PCNX2: variants seen among roughly 807,000 people sequenced by gnomAD.
PCNX2 encodes pecanex 2, also known as pecanex-like protein 2.
PCNX2 carries 168 observed loss-of-function variants against 223.8 expected under a neutral mutation model. The observed-to-expected ratio is 0.75, with a 90% CI of 0.66 to 0.85. The LOEUF is 0.85. PCNX2 is among the 40% of genes least tolerant of loss of function. The pLI is 0.00. For synonymous variants in PCNX2, 1,006 were observed against 1,052.6 expected (o/e 0.96, Z 0.86); for missense variants, 2,507 against 2,675.5 (o/e 0.94, Z 1.39).
In PCNX2 at chr1:233,202,925, T is replaced by A. The variant is rs1181910150; in HGVS notation, c.2864-2661A>T. On this transcript the variant is annotated intron_variant, in intron 13 of 33. Transcript: ENST00000258229. ...CTGAAGTTTTTCCATGCCAGAGAAC[T>A]CATTTCACTAAGCAACCTATTCTAC... Among the ~76,000 whole-genome samples, 6 of 152,280 alleles carry A rather than the reference T, an allele frequency of 3.9e-5. No individual in the cohort carries two copies. In the East Asian group the frequency reaches 9.7e-4, roughly 24 times the overall value.
chr1:233,217,353 G>T (rs762694782), intron 12 of PCNX2, among the ~76,000 whole-genome samples: 1 of 152,022 alleles, frequency 6.6e-6, no homozygotes, highest in African/African-American at 2.4e-5. Flanking sequence ...TTAAAAATAA[G>T]AATAATCATT....
intron 15 of PCNX2, among the ~76,000 whole-genome samples, chr1:233,185,168 G>C (rs1366272864): frequency 1.3e-5 from 2 of 150,420 alleles, no homozygotes; most frequent in Admixed American, 1.3e-4. Flanking sequence ...AAGGAAACAA[G>C]GACAAGAGAG....
intron 12 of PCNX2, chr1:233,211,809 A>G (rs1375309973): frequency 1.0e-6 from 1 of 985,380 alleles, no homozygotes; most frequent in Non-Finnish European, 1.2e-6. Flanking sequence ...GAATGTGAAC[A>G]TTACTCATGT....
chr1:233,231,764 T>C, intron 9 of PCNX2: 1 of 679,792 alleles, frequency 1.5e-6, no homozygotes, highest in Non-Finnish European at 1.8e-6. Flanking sequence ...GACTCTGGTG[T>C]TAGAAATAGA....
At chr1:233,175,589 G>A (rs945958536) in intron 17 of PCNX2, among the ~76,000 whole-genome samples, 6 of 152,014 alleles carry the variant, frequency 3.9e-5, no homozygotes, top group South Asian at 2.1e-4. Flanking sequence ...GCCACCCTAC[G>A]GCTTTTACAG....
chr1:233,094,561 T>C (rs1674051456), intron 22 of PCNX2, among the ~76,000 whole-genome samples: 1 of 152,016 alleles, frequency 6.6e-6, no homozygotes, highest in Non-Finnish European at 1.5e-5. Flanking sequence ...ATGCTTAACA[T>C]TTTTTTTAAA....
chr1:233,200,626 T>C (rs1479000947), intron 13 of PCNX2, among the ~76,000 whole-genome samples: 1 of 151,512 alleles, frequency 6.6e-6, no homozygotes, highest in Non-Finnish European at 1.5e-5. Context: ...TCAGGGGTGG[T>C]GAGTCAGAGT....
At chr1:233,118,374 C>T (rs1419845046) in intron 21 of PCNX2, among the ~76,000 whole-genome samples, 1 of 151,094 alleles carries the variant, frequency 6.6e-6, no homozygotes, top group Non-Finnish European at 1.5e-5. Context: ...GAGGTGTTAG[C>T]TAGTGCAATA....
In PCNX2 at chr1:233,057,826, C is replaced by T. The variant is rs374072476; in HGVS notation, c.4077-536G>A. The stretch of plus-strand genomic sequence containing the variant: ...AGTGAGCCGAGATTGCACCACTGCA[C>T]TCCAACCTGGGTGACAGAGCAAGAC... On this transcript the variant is annotated intron_variant, in intron 23 of 33. Transcript: ENST00000258229. 4.6e-5 allele frequency: 45 copies of T among 970,442 alleles called. 1 individual carries two copies. Among genetic ancestry groups the T allele is most frequent in the African/African-American group, 3.4e-4 (19 of 56,336 alleles). 60.1% of individuals were successfully genotyped at this position (970,442 alleles called of 1,614,324 possible). A position where few individuals can be genotyped will look rare whatever the true frequency, so the allele number is the denominator to read the frequency against.
intron 17 of PCNX2, among the ~76,000 whole-genome samples, chr1:233,174,885 G>A (rs188209527): frequency 6.6e-6 from 1 of 152,222 alleles, no homozygotes; most frequent in East Asian, 1.9e-4. Flanking sequence ...CAAATGTATA[G>A]GCCCATTGGT....
intron 21 of PCNX2, among the ~76,000 whole-genome samples, chr1:233,103,291 A>G (rs765137091): frequency 8.5e-5 from 13 of 152,120 alleles, no homozygotes; most frequent in Admixed American, 2.6e-4. Flanking sequence ...ATCCAGTTAT[A>G]TTCTTTTAGT....
chr1:233,010,933 C>A (rs114262402), intron 28 of PCNX2, among the ~76,000 whole-genome samples: 346 of 152,314 alleles, frequency 2.3e-3, no homozygotes, highest in Non-Finnish European at 3.9e-3. Flanking sequence ...TTTCCCCCAA[C>A]AAATTGGTCA....
In PCNX2 at chr1:232,984,260, G is replaced by A. The variant is rs1669377051; in HGVS notation, c.*44C>T. The A allele has an allele frequency of 2.0e-6, 3 of 1,525,452 alleles. No homozygotes were observed. The highest frequency in any genetic ancestry group is 1.4e-5 in the African/African-American group (1 of 72,942). The allele number at this position is 1,525,452 out of a possible 1,614,324, so 94.5% of individuals were successfully genotyped here. A position where few individuals can be genotyped will look rare whatever the true frequency, so the allele number is the denominator to read the frequency against. Reference sequence around the variant, plus strand: ...GAGCACGAGGGAGAGCAATGCAGGTGGGAGGTGTGGGGGAGCCAGCCTCCC... The same window carrying A: ...GAGCACGAGGGAGAGCAATGCAGGTAGGAGGTGTGGGGGAGCCAGCCTCCC... On this transcript the variant is annotated 3_prime_UTR_variant, in exon 34 of 34. Coordinates refer to ENST00000258229, the MANE Select transcript of PCNX2 (RefSeq NM_014801.4).
rs1204830951 is a variant in PCNX2, at chr1:233,253,646, T to G, written c.1835-858A>C. ...CAGGCATGAGCCACCACACCCGGCC[T>G]GCTGATTTTGAACAATATGCTTAGC... is the stretch of plus-strand genomic sequence containing the variant. On this transcript the variant is annotated intron_variant, in intron 5 of 33. Transcript: ENST00000258229. The surrounding 1 kb of genome is among the most constrained non-coding windows in gnomAD (Gnocchi z 4.2). Among the ~76,000 whole-genome samples, 1 of 152,228 alleles carries G rather than the reference T, an allele frequency of 6.6e-6. No homozygotes were observed. Among genetic ancestry groups the G allele is most frequent in the Admixed American group, 6.5e-5 (1 of 15,276 alleles).
chr1:233,233,882 T>C (rs1658225253), intron 9 of PCNX2, among the ~76,000 whole-genome samples: 1 of 152,042 alleles, frequency 6.6e-6, no homozygotes, highest in Admixed American at 6.6e-5. Flanking sequence ...CAGGCCCCTT[T>C]GGCCAGGTCG....
At chr1:233,015,147 AG>A (rs1670606473) in intron 27 of PCNX2, among the ~76,000 whole-genome samples, 1 of 152,180 alleles carries the variant, frequency 6.6e-6, no homozygotes, top group South Asian at 2.1e-4. Context: ...TCTAGCAGGG[AG>A]AGAAAAAGAA....
At chr1:233,237,709 C>T (rs1658503616) in intron 8 of PCNX2, among the ~76,000 whole-genome samples, 1 of 152,172 alleles carries the variant, frequency 6.6e-6, no homozygotes, top group Admixed American at 6.5e-5. Flanking sequence ...GCCTACTCAA[C>T]AGGCATTTCT....
intron 23 of PCNX2, among the ~76,000 whole-genome samples, chr1:233,068,437 A>G (rs1359840257): frequency 6.6e-6 from 1 of 152,086 alleles, no homozygotes; most frequent in Non-Finnish European, 1.5e-5. Flanking sequence ...CACAGTAAGC[A>G]AAAGTATGGG....
chr1:232,985,632 A>G (rs1476707079), intron 33 of PCNX2: 3 of 332,892 alleles, frequency 9.0e-6, no homozygotes, highest in Middle Eastern at 8.2e-4. Flanking sequence ...TTAAATACCT[A>G]AAAGCAGTGG....
Sources: allele counts gnomAD v4.1 joint callset (sites outside exome capture counted in the v4.1 genomes callset), GRCh38; gene constraint gnomAD v4.1.1; non-coding constraint Gnocchi (gnomAD v3.1); transcripts MANE v1.5; gene names NCBI Gene and HGNC (gene_info 2026-07-23, HGNC 2026-07-21).